Variants in RIMBP2 observed in about 807,000 individuals in gnomAD.
RIMBP2 encodes RIMS binding protein 2.
RIMBP2 carries 48 observed loss-of-function variants against 118.6 expected under a neutral mutation model. The ratio of observed to expected loss-of-function variants is 0.40; its 90% CI spans 0.32 to 0.51. The LOEUF is 0.51. RIMBP2 is among the 20% of genes least tolerant of loss of function. RIMBP2 has a pLI of 0.41. For missense variants in RIMBP2, 1,551 were observed against 1,768.3 expected (o/e 0.88, Z 2.20); for synonymous variants, 762 against 742.9 (o/e 1.03, Z -0.42).
chr12:130,482,841 G>A (rs991772563), intron 4 of RIMBP2, among the ~76,000 whole-genome samples: 1 of 141,734 alleles, frequency 7.1e-6, no homozygotes, highest in African/African-American at 2.7e-5. Context: ...GCAGGGGAGG[G>A]GGCAGACCTC....
intron 5 of RIMBP2, among the ~76,000 whole-genome samples, chr12:130,471,251 G>C (rs56690210): frequency 6.6e-6 from 1 of 152,212 alleles, no homozygotes; most frequent in South Asian, 2.1e-4. Flanking sequence ...GGGCCCCACA[G>C]AATAACTTCA....
In RIMBP2 at chr12:130,529,411, T is replaced by C. The variant is rs76467539; in HGVS notation, c.-216-11494A>G. On this transcript the variant is annotated intron_variant, in intron 2 of 22. Transcript: ENST00000690449. The stretch of plus-strand genomic sequence containing the variant: ...TTCCACATACATGAGATATTCAAGA[T>C]AGGCAAATCTGCAGAGACAGAAAGC... Among the ~76,000 whole-genome samples, 352 of 152,138 alleles carry C rather than the reference T, an allele frequency of 2.3e-3. 4 individuals are homozygous for C. The East Asian group carries it at 0.046, about 20-fold the overall frequency.
At position 130,525,610 on chromosome 12, in the gene RIMBP2, G is replaced by A. The variant is rs2139221083; in HGVS notation, c.-216-7693C>T. On this transcript the variant is annotated intron_variant, in intron 2 of 22. Transcript: ENST00000690449. This position sits in a 1 kb window ranked among gnomAD's most constrained non-coding sequence, Gnocchi z 4.4. ...CAAGGCTGAGGGTGGTAACGTTCAT[G>A]GGGGCATTGGCAGGTGCAGATGGAC... Among the ~76,000 whole-genome samples the A allele has an allele frequency of 6.6e-6, 1 of 152,258 alleles. No homozygotes were observed. The highest frequency in any genetic ancestry group is 3.4e-3 in the Middle Eastern group (1 of 294).
chr12:130,441,401 AAATAATAATAATAATAATAATAATAAT>A, intron 11 of RIMBP2, among the ~76,000 whole-genome samples: 1 of 122,896 alleles, frequency 8.1e-6, no homozygotes, highest in African/African-American at 2.9e-5. Flanking sequence ...ACTCCATCTC[AAATAATAATAATAATAATAATAATAAT>A]AATAATAATA....
At chr12:130,417,550 A>C (rs1171985838) in intron 17 of RIMBP2, among the ~76,000 whole-genome samples, 3 of 152,194 alleles carry the variant, frequency 2.0e-5, no homozygotes, top group Admixed American at 1.3e-4. Context: ...CGAAGATGGG[A>C]ACAACAGAAA....
At chr12:130,510,520 G>A (rs1030040411) in intron 3 of RIMBP2, among the ~76,000 whole-genome samples, 4 of 152,080 alleles carry the variant, frequency 2.6e-5, no homozygotes, top group African/African-American at 9.7e-5. Context: ...CCAGGCTGGA[G>A]TGCAGTGATG....
intron 6 of RIMBP2, chr12:130,465,963 C>A (rs1378787112): frequency 6.6e-6 from 1 of 152,252 alleles, no homozygotes; most frequent in Non-Finnish European, 1.5e-5. Context: ...GGCCTGGACT[C>A]CGGAGCCAAA....
chr12:130,406,006 A>C (rs931307162), intron 21 of RIMBP2, among the ~76,000 whole-genome samples, 166 bp downstream of exon 21: 5 of 152,240 alleles, frequency 3.3e-5, no homozygotes, highest in African/African-American at 7.2e-5. Flanking sequence ...TAGATTATCT[A>C]TAACTCAGCA....
In RIMBP2 at chr12:130,450,294, G is replaced by C. The variant is rs1298833495; in HGVS notation, c.505-18C>G. 5 of 1,585,784 alleles carry C rather than the reference G, an allele frequency of 3.2e-6. No homozygotes were observed. In the Admixed American group the frequency reaches 8.5e-5, roughly 27 times the overall value. ...TTCTCCATCTGTGAAAAAGGCAATG[G>C]GTGTGTGGGTTATTGAAGCTGGAGG... On this transcript the variant is annotated intron_variant, in intron 8 of 22. Coordinates refer to ENST00000690449, the MANE Select transcript of RIMBP2 (RefSeq NM_001393629.1). The surrounding 1 kb of genome is among the most constrained non-coding windows in gnomAD (Gnocchi z 4.8).
chr12:130,512,331 T>G (rs982119106), intron 3 of RIMBP2, among the ~76,000 whole-genome samples: 3 of 150,922 alleles, frequency 2.0e-5, no homozygotes, highest in Non-Finnish European at 4.4e-5. Flanking sequence ...ATTGCTTTCT[T>G]TTTTTTTTCT....
chr12:130,634,703 C>T (rs1302733869), intron 1 of RIMBP2, among the ~76,000 whole-genome samples: 1 of 152,054 alleles, frequency 6.6e-6, no homozygotes, highest in East Asian at 1.9e-4. Context: ...GCTATCCTTC[C>T]ACCTCAGCCT....
rs142303116 is a variant in RIMBP2, at chr12:130,442,566, G to A, written c.786C>T (p.Asn262=). 164 of 1,614,164 alleles carry A rather than the reference G, an allele frequency of 1.0e-4. No individual in the cohort carries two copies. In the African/African-American group the frequency reaches 1.4e-3, roughly 14 times the overall value. The part of the protein sequence containing the change: ...NESRLASTLG[N]EQDQNFINHS... ...GGTTGATGAAGTTCTGATCCTGCTCGTTCCCCAGCGTGCTTGCCAACCGCG... is the reference window on the plus strand; with the variant it reads ...GGTTGATGAAGTTCTGATCCTGCTCATTCCCCAGCGTGCTTGCCAACCGCG... The change falls in exon 11 of 23, where the codon AAC becomes AAT. Residue 262 remains asparagine (N), a synonymous_variant. Coordinates refer to ENST00000690449, the MANE Select transcript of RIMBP2 (RefSeq NM_001393629.1). This position sits in a 1 kb window ranked among gnomAD's most constrained non-coding sequence, Gnocchi z 6.9.
rs2030818755 is a variant in RIMBP2, at chr12:130,525,841, A to T, written c.-216-7924T>A. On this transcript the variant is annotated intron_variant, in intron 2 of 22. Coordinates refer to ENST00000690449, the MANE Select transcript of RIMBP2 (RefSeq NM_001393629.1). This position sits in a 1 kb window ranked among gnomAD's most constrained non-coding sequence, Gnocchi z 4.4. ...CTCATCCAGTCCTCTCAGCACTGCCATGTGGCAGACATTCTTGCTATCCTG... is the reference window on the plus strand; with the variant it reads ...CTCATCCAGTCCTCTCAGCACTGCCTTGTGGCAGACATTCTTGCTATCCTG... 1.3e-5 allele frequency among the ~76,000 whole-genome samples: 2 copies of T among 152,114 alleles called. No individual in the cohort carries two copies. Among genetic ancestry groups the T allele is most frequent in the Admixed American group, 6.5e-5 (1 of 15,276 alleles).
chr12:130,449,892 A>C (rs936908244), intron 9 of RIMBP2, among the ~76,000 whole-genome samples: 1 of 151,962 alleles, frequency 6.6e-6, no homozygotes, highest in Admixed American at 6.6e-5. Context: ...CCCTCCTTGG[A>C]GCCCTCGGAG....
intron 19 of RIMBP2, among the ~76,000 whole-genome samples, chr12:130,409,624 T>A (rs1051428764): frequency 6.6e-6 from 1 of 152,146 alleles, no homozygotes; most frequent in African/African-American, 2.4e-5. Context: ...ATTACAGGCG[T>A]GAGCCACTGC....
intron 2 of RIMBP2, among the ~76,000 whole-genome samples, chr12:130,611,166 G>A (rs2060520098): frequency 6.6e-6 from 1 of 152,206 alleles, no homozygotes; most frequent in Non-Finnish European, 1.5e-5. Flanking sequence ...ATGGGCTCCG[G>A]CCTCCAGGCA....
intron 2 of RIMBP2, among the ~76,000 whole-genome samples, chr12:130,542,557 A>C (rs2054714747): frequency 6.6e-6 from 1 of 152,200 alleles, no homozygotes; most frequent in Admixed American, 6.5e-5. Context: ...AGAGTTCCTG[A>C]ACTTCACAGT....
chr12:130,424,701 G>C lies in RIMBP2; in HGVS notation c.2570C>G (p.Pro857Arg). The change falls in exon 16 of 23, where the codon CCC becomes CGC. Residue 857 changes from proline (P) to arginine (R), a missense_variant. Pro to Arg is a moderately radical substitution (Grantham distance 103). Coordinates refer to ENST00000690449, the MANE Select transcript of RIMBP2 (RefSeq NM_001393629.1). This position sits in a 1 kb window ranked among gnomAD's most constrained non-coding sequence, Gnocchi z 9.8. Reference sequence around the variant, plus strand: ...TCTGGCCAGCCCCGTCCTGGCCCTGGGGGACGGCCCTGCACCCTGCTTGTG... The same window carrying C: ...TCTGGCCAGCCCCGTCCTGGCCCTGCGGGACGGCCCTGCACCCTGCTTGTG... ...LLHKQGAGPS[P>R]RARTGLAREP... 8.1e-7 allele frequency: 1 copy of C among 1,232,208 alleles called. No homozygotes were observed. Among genetic ancestry groups the C allele is most frequent in the Non-Finnish European group, 1.0e-6 (1 of 988,018 alleles). 76.3% of individuals were successfully genotyped at this position (1,232,208 alleles called of 1,614,324 possible).
At chr12:130,540,712 G>T (rs931883385) in intron 2 of RIMBP2, among the ~76,000 whole-genome samples, 2 of 152,112 alleles carry the variant, frequency 1.3e-5, no homozygotes, top group African/African-American at 4.8e-5. Flanking sequence ...AGTATTAGTT[G>T]GTCAGGGAGA....
Sources: gnomAD v4.1 joint callset for allele counts (sites outside exome capture counted in the v4.1 genomes callset) on GRCh38, gnomAD v4.1.1 for gene constraint, Gnocchi (gnomAD v3.1) non-coding constraint, MANE v1.5 for transcripts, NCBI Gene and HGNC (gene_info 2026-07-23, HGNC 2026-07-21) for gene names.